Variants in WASHC2C observed in about 807,000 individuals in gnomAD.
WASHC2C encodes the protein WASH complex subunit 2C.
A neutral mutation model predicts 142.2 loss-of-function variants in WASHC2C; 73 were observed. That is an observed-to-expected ratio of 0.51 (90% CI 0.43 to 0.62). The LOEUF (loss-of-function observed/expected upper bound fraction) is 0.62, where lower values mean the gene tolerates loss of function less well. Ranked by LOEUF, WASHC2C falls within the 20% of genes least tolerant of loss-of-function variation. The pLI, the probability that WASHC2C is intolerant of heterozygous loss-of-function variation, is 0.00. For missense variants in WASHC2C, 969 were observed against 1,531.7 expected (o/e 0.63, Z 6.13); for synonymous variants, 337 against 565.5 (o/e 0.60, Z 5.73).
intron 30 of WASHC2C, among the ~76,000 whole-genome samples, chr10:45,791,960 T>C (rs2058419267): frequency 6.9e-6 from 1 of 145,928 alleles, no homozygotes; most frequent in Middle Eastern, 3.5e-3. Context: ...TCCCTGATGG[T>C]AGGGGCGTGG....
chr10:45,733,905 T>G (rs1164757395), intron 3 of WASHC2C, among the ~76,000 whole-genome samples: 2 of 152,118 alleles, frequency 1.3e-5, no homozygotes, highest in Non-Finnish European at 2.9e-5. Context: ...CTAAGTCCAT[T>G]TCCCATGCAG....
At chr10:45,782,298 G>A (rs1205542787) in intron 23 of WASHC2C, among the ~76,000 whole-genome samples, 21 of 151,972 alleles carry the variant, frequency 1.4e-4, no homozygotes, top group African/African-American at 5.1e-4. Context: ...AAAAAAAATA[G>A]GTAAGACAGA....
At chr10:45,751,902 G>A (rs1456130129) in intron 11 of WASHC2C, among the ~76,000 whole-genome samples, 1 of 152,084 alleles carries the variant, frequency 6.6e-6, no homozygotes, top group Non-Finnish European at 1.5e-5. Context: ...ACTTGAACCC[G>A]GGAGGCAGAG....
At chr10:45,729,252 G>A (rs2050264194) in intron 3 of WASHC2C, among the ~76,000 whole-genome samples, 3 of 152,108 alleles carry the variant, frequency 2.0e-5, no homozygotes, top group Admixed American at 6.5e-5. Context: ...ATACTTCAGT[G>A]CTTCCATCTT....
intron 14 of WASHC2C, 60 bp downstream of exon 14, chr10:45,754,605 A>T: frequency 7.0e-7 from 1 of 1,435,082 alleles, no homozygotes; most frequent in Non-Finnish European, 9.4e-7. Context: ...TGCATTTCAA[A>T]ATTATCATCT....
chr10:45,782,627 A>G (rs1284147049), intron 23 of WASHC2C, among the ~76,000 whole-genome samples: 1 of 152,144 alleles, frequency 6.6e-6, no homozygotes, highest in African/African-American at 2.4e-5. Flanking sequence ...TCCAAGAGAA[A>G]TAAAAACATG....
chr10:45,771,709 C>T, intron 20 of WASHC2C: 1 of 801,134 alleles, frequency 1.2e-6, no homozygotes, highest in Non-Finnish European at 1.5e-6. Flanking sequence ...GTAATTCATA[C>T]CTTCATCAGA....
chr10:45,779,977 C>T (rs2057371413), intron 23 of WASHC2C, among the ~76,000 whole-genome samples: 1 of 146,586 alleles, frequency 6.8e-6, no homozygotes, highest in Admixed American at 6.8e-5. Context: ...GAACGAGACT[C>T]CATCTCAAAA....
intron 4 of WASHC2C, 139 bp downstream of exon 4, chr10:45,738,184 G>A: frequency 6.4e-7 from 1 of 1,551,808 alleles, no homozygotes; most frequent in Non-Finnish European, 8.8e-7. Flanking sequence ...CCCAAGAGGG[G>A]ATTCTTTCCT....
intron 11 of WASHC2C, among the ~76,000 whole-genome samples, chr10:45,752,376 A>G (rs1376996066): frequency 1.3e-5 from 2 of 152,298 alleles, no homozygotes; most frequent in Admixed American, 6.5e-5. Context: ...ACGTGGACAG[A>G]CTTGAGAGTG....
rs1328167683 is a variant in WASHC2C, at chr10:45,788,914, C to G, written c.3131C>G (p.Ala1044Gly). Reference protein sequence around the residue: ...MRGKRRPQTRAARRLAAQESS... With the variant: ...MRGKRRPQTRGARRLAAQESS... ...GGGAAGCGTAGACCGCAGACCCGTG[C>G]AGCTAGGCGGCTGGCTGCTCAGGAG... The change falls in exon 29 of 31, where the codon GCA (alanine) becomes GGA (glycine). Residue 1044 changes from alanine to glycine, a missense_variant. Ala to Gly is a moderately conservative substitution (Grantham distance 60). Coordinates refer to ENST00000623400, the MANE Select transcript of WASHC2C (RefSeq NM_001330074.2). 4 of 1,612,050 alleles carry G rather than the reference C, an allele frequency of 2.5e-6. No homozygotes were observed. The East Asian group carries it at 8.9e-5, about 36-fold the overall frequency.
Position 45,792,433 on chromosome 10 carries a change from C to T in WASHC2C, c.*33C>T. 1.3e-6 allele frequency: 2 copies of T among 1,561,868 alleles called. No individual in the cohort carries two copies. Among genetic ancestry groups the T allele is most frequent in the Non-Finnish European group, 1.7e-6 (2 of 1,144,874 alleles). On this transcript the variant is annotated 3_prime_UTR_variant, in exon 31 of 31. Coordinates refer to ENST00000623400, the MANE Select transcript of WASHC2C (RefSeq NM_001330074.2). ...AGGGTATCCACATGTTACCCTGCAG[C>T]TACATTGTTGAGTTAGTGATGATAT...
chr10:45,731,870 C>A (rs2050642082), intron 3 of WASHC2C, among the ~76,000 whole-genome samples: 1 of 149,326 alleles, frequency 6.7e-6, no homozygotes, highest in Non-Finnish European at 1.5e-5. Context: ...TCTCAGCCCA[C>A]TGCAAGCTCT....
At position 45,786,663 on chromosome 10, in the gene WASHC2C, G is replaced by A. The variant is rs201608851; in HGVS notation, c.2863G>A (p.Gly955Arg). 56 of 1,611,752 alleles carry A rather than the reference G, an allele frequency of 3.5e-5. 2 individuals are homozygous for A. The South Asian group carries it at 4.0e-4, about 11-fold the overall frequency. Residue 955 changes from glycine (G) to arginine (R), a missense_variant, in exon 27 of 31, where the codon GGG becomes AGG. Coordinates refer to ENST00000623400, the MANE Select transcript of WASHC2C (RefSeq NM_001330074.2). Reference protein sequence around the residue: ...FKTKEPSTRIGKIQANLAINP... With the variant: ...FKTKEPSTRIRKIQANLAINP... Reference sequence around the variant, plus strand: ...AACCAAAGAACCATCCACTCGGATCGGGAAGATACAAGTAATTAAAACACT... The same window carrying A: ...AACCAAAGAACCATCCACTCGGATCAGGAAGATACAAGTAATTAAAACACT...
At position 45,785,584 on chromosome 10, in the gene WASHC2C, A is replaced by T. The variant is rs781963591; in HGVS notation, c.2764A>T (p.Ile922Phe). 10 of 1,613,858 alleles carry T rather than the reference A, an allele frequency of 6.2e-6. No homozygotes were observed. In the South Asian group the frequency reaches 9.9e-5, roughly 16 times the overall value. Residue 922 changes from isoleucine to phenylalanine, a missense_variant, in exon 26 of 31, where the codon ATT becomes TTT. By Grantham distance (21) the Ile-to-Phe change is conservative (BLOSUM62 0). Coordinates refer to ENST00000623400, the MANE Select transcript of WASHC2C (RefSeq NM_001330074.2). The stretch of plus-strand genomic sequence containing the variant: ...CAAAAACCAGAAACATCCTGAATCC[A>T]TTCAAGGTAGTAAAGAAAAAGGCAT... ...SFKNQKHPESIQGSKEKGIWK... is the reference protein window; with the variant it reads ...SFKNQKHPESFQGSKEKGIWK...
intron 2 of WASHC2C, among the ~76,000 whole-genome samples, chr10:45,727,754 CCTT>C (rs1207858034): frequency 1.3e-5 from 2 of 152,018 alleles, no homozygotes; most frequent in Non-Finnish European, 2.9e-5. Context: ...CGCGACGTTC[CCTT>C]CATGGGGTTT....
chr10:45,761,922 G>A (rs1438610588), intron 17 of WASHC2C, among the ~76,000 whole-genome samples: 12 of 151,960 alleles, frequency 7.9e-5, no homozygotes, highest in African/African-American at 2.9e-4. Context: ...ACTCCGGGGA[G>A]CACAGGGGAA....
intron 23 of WASHC2C, among the ~76,000 whole-genome samples, chr10:45,781,383 G>A (rs2057493605): frequency 6.6e-6 from 1 of 152,080 alleles, no homozygotes; most frequent in African/African-American, 2.4e-5. Flanking sequence ...TTATGGAACT[G>A]TAAGAGACCA....
chr10:45,734,181 C>A (rs2597027), intron 3 of WASHC2C, among the ~76,000 whole-genome samples: 1 of 152,008 alleles, frequency 6.6e-6, no homozygotes, highest in Admixed American at 6.6e-5. Flanking sequence ...GCCGAGATCC[C>A]GCCACTGCAC....
Sources: gnomAD v4.1 joint callset for allele counts (sites outside exome capture counted in the v4.1 genomes callset) on GRCh38, gnomAD v4.1.1 for gene constraint, MANE v1.5 for transcripts, NCBI Gene and HGNC (gene_info 2026-07-23, HGNC 2026-07-21) for gene names.